The following CHRM2 variants were observed in gnomAD, a reference collection of about 807,000 sequenced individuals.
CHRM2 encodes muscarinic acetylcholine receptor M2.
Under a neutral mutation model 25.0 loss-of-function variants are expected in CHRM2, and 8 were observed. The ratio of observed to expected loss-of-function variants is 0.32; its 90% CI spans 0.19 to 0.58. CHRM2 has a LOEUF of 0.58. Ranked by LOEUF, CHRM2 falls within the 20% of genes least tolerant of loss-of-function variation. The pLI is 0.88. For synonymous variants in CHRM2, 202 were observed against 205.7 expected, an observed-to-expected ratio of 0.98 and a Z score of 0.15; for missense variants, 440 against 567.1, an observed-to-expected ratio of 0.78 and a Z score of 2.28.
At chr7:136,919,973 A>G (rs1798337760) in intron 2 of CHRM2, among the ~76,000 whole-genome samples, 2 of 152,074 alleles carry the variant, frequency 1.3e-5, no homozygotes, top group Admixed American at 6.6e-5. Flanking sequence ...ATGTTTCTCA[A>G]TAACTAGGAT....
intron 2 of CHRM2, among the ~76,000 whole-genome samples, chr7:136,924,189 T>C (rs1233088265): frequency 6.6e-6 from 1 of 152,174 alleles, no homozygotes; most frequent in Non-Finnish European, 1.5e-5. Flanking sequence ...ACACACATTA[T>C]TTCTTTTTTT....
At chr7:136,969,346 C>T (rs1047019507) in intron 2 of CHRM2, among the ~76,000 whole-genome samples, 2 of 152,092 alleles carry the variant, frequency 1.3e-5, no homozygotes, top group Non-Finnish European at 1.5e-5. Flanking sequence ...TTAAAGTTTG[C>T]TCTTTTTAAA....
At chr7:136,890,342 T>G (rs1796643215) in intron 2 of CHRM2, among the ~76,000 whole-genome samples, 1 of 152,226 alleles carries the variant, frequency 6.6e-6, no homozygotes, top group African/African-American at 2.4e-5. Flanking sequence ...GTGTGTGTAC[T>G]GCTAAGAAAA....
chr7:136,938,992 T>C (rs1584790391), intron 2 of CHRM2, among the ~76,000 whole-genome samples: 2 of 124,184 alleles, frequency 1.6e-5, no homozygotes, highest in African/African-American at 2.9e-5. Context: ...CAAACATTAA[T>C]ATAATTCCAA....
intron 2 of CHRM2, among the ~76,000 whole-genome samples, chr7:136,959,911 AAAAAAC>A (rs1299330919): frequency 6.6e-6 from 1 of 152,120 alleles, no homozygotes; most frequent in Non-Finnish European, 1.5e-5. Flanking sequence ...AACTCCGTCC[AAAAAAC>A]AAAAACAAAA....
At chr7:136,883,317 G>A (rs1796338619) in intron 2 of CHRM2, among the ~76,000 whole-genome samples, 1 of 152,122 alleles carries the variant, frequency 6.6e-6, no homozygotes, top group African/African-American at 2.4e-5. Context: ...CAAAGTAGTG[G>A]ATAAGTATAT....
Position 137,016,373 on chromosome 7 carries a change from A to T in CHRM2, c.*107A>T, listed in dbSNP as rs1805190446. ...CTCTGCCATTGCACTTTATAGTCTG[A>T]TTACAAAACGTGCAATTCAGGAGCC... On this transcript the variant is annotated 3_prime_UTR_variant, in exon 4 of 4. Transcript: ENST00000680005. The T allele has an allele frequency of 8.2e-7, 1 of 1,215,146 alleles. No individual in the cohort carries two copies. Among genetic ancestry groups the T allele is most frequent in the South Asian group, 1.3e-5 (1 of 77,468 alleles). 75.3% of individuals were successfully genotyped at this position (1,215,146 alleles called of 1,614,324 possible). A position where few individuals can be genotyped will look rare whatever the true frequency, so the allele number is the denominator to read the frequency against.
intron 2 of CHRM2, among the ~76,000 whole-genome samples, chr7:136,951,522 T>C (rs190567457): frequency 1.3e-5 from 2 of 152,262 alleles, no homozygotes; most frequent in African/African-American, 2.4e-5. Context: ...TATAACGCAC[T>C]TGGCAGATCT....
chr7:137,015,383 A>G lies in CHRM2; in HGVS notation c.518A>G (p.Asp173Gly). ...QFIVGVRTVE[D>G]GECYIQFFSN... ...ATTGTAGGGGTGAGAACTGTGGAGGATGGGGAGTGCTACATTCAGTTTTTT... is the reference window on the plus strand; with the variant it reads ...ATTGTAGGGGTGAGAACTGTGGAGGGTGGGGAGTGCTACATTCAGTTTTTT... Residue 173 changes from aspartate to glycine, a missense_variant, in exon 4 of 4, where the codon GAT becomes GGT. Around this residue, in one of 5 missense-constraint regions of CHRM2, gnomAD observed 261 missense variants for 261.8 expected, o/e 1.00. Transcript: ENST00000680005. This position sits in a 1 kb window ranked among gnomAD's most constrained non-coding sequence, Gnocchi z 5.1. 2 of 1,613,412 alleles carry G rather than the reference A, an allele frequency of 1.2e-6. No homozygotes were observed. Among genetic ancestry groups the G allele is most frequent in the Non-Finnish European group, 1.7e-6 (2 of 1,179,624 alleles).
At chr7:136,880,230 GC>G in intron 2 of CHRM2, among the ~76,000 whole-genome samples, 1 of 147,378 alleles carries the variant, frequency 6.8e-6, no homozygotes, top group East Asian at 1.9e-4. Context: ...AATAGCTATT[GC>G]CCCGTTCCTA....
rs150953186 is a variant in CHRM2, at chr7:136,942,891, C to T, written c.-124-49296C>T. On this transcript the variant is annotated intron_variant, in intron 2 of 3. Transcript: ENST00000680005. ...TTTTCTCTTCAAAATTTTTCTTTGT[C>T]CTTCGTATTATTTTCTAACCCCTTA... 4.3e-3 allele frequency among the ~76,000 whole-genome samples: 647 copies of T among 151,372 alleles called. 6 individuals carry two copies. Among genetic ancestry groups the T allele is most frequent in the African/African-American group, 0.015 (610 of 41,286 alleles).
intron 2 of CHRM2, among the ~76,000 whole-genome samples, chr7:136,904,317 T>C (rs867979098): frequency 8.0e-4 from 121 of 152,022 alleles, no homozygotes; most frequent in African/African-American, 2.8e-3. Context: ...AAAATTATTA[T>C]AACATTTTTC....
At chr7:136,984,857 G>A (rs577724614) in intron 2 of CHRM2, among the ~76,000 whole-genome samples, 24 of 152,122 alleles carry the variant, frequency 1.6e-4, no homozygotes, top group East Asian at 1.4e-3. Context: ...CGTTGGTCTC[G>A]CTGGGAGCTG....
At chr7:136,937,792 C>T (rs1355645723) in intron 2 of CHRM2, among the ~76,000 whole-genome samples, 1 of 152,152 alleles carries the variant, frequency 6.6e-6, no homozygotes, top group African/African-American at 2.4e-5. Context: ...GAGATTTCCA[C>T]GCTTTTGACA....
At position 136,926,766 on chromosome 7, in the gene CHRM2, G is replaced by A. The variant is rs117582062; in HGVS notation, c.-125+57348G>A. ...GCGTACTATATACTCTGCTGTGAGC[G>A]TCCAGGAAACAGGCAGTCATTGTGC... On this transcript the variant is annotated intron_variant, in intron 2 of 3. Transcript: ENST00000680005. Among the ~76,000 whole-genome samples the A allele has an allele frequency of 6.2e-4, 94 of 152,288 alleles. 1 individual carries two copies. Among genetic ancestry groups the A allele is most frequent in the African/African-American group, 2.1e-3 (88 of 41,562 alleles).
intron 2 of CHRM2, among the ~76,000 whole-genome samples, chr7:136,986,307 A>G (rs752042366): frequency 6.6e-6 from 1 of 152,006 alleles, no homozygotes; most frequent in Non-Finnish European, 1.5e-5. Flanking sequence ...TAGATACACA[A>G]TTTTCCCCTC....
intron 2 of CHRM2, among the ~76,000 whole-genome samples, chr7:136,977,056 A>G (rs1802150569): frequency 6.6e-6 from 1 of 152,240 alleles, no homozygotes; most frequent in Admixed American, 6.5e-5. Context: ...GAAAGAAAAT[A>G]TAAGTGACTT....
At chr7:136,924,267 T>C (rs189254094) in intron 2 of CHRM2, among the ~76,000 whole-genome samples, 29 of 152,194 alleles carry the variant, frequency 1.9e-4, no homozygotes, top group African/African-American at 6.5e-4. Flanking sequence ...AACGTGCAGG[T>C]TAGTTACATA....
At chr7:136,940,319 C>T (rs987531642) in intron 2 of CHRM2, among the ~76,000 whole-genome samples, 2 of 152,172 alleles carry the variant, frequency 1.3e-5, no homozygotes, top group African/African-American at 2.4e-5. Context: ...ACAGTATACT[C>T]GCGTTGAACA....
Sources: gnomAD v4.1 joint callset for allele counts (sites outside exome capture counted in the v4.1 genomes callset) on GRCh38, gnomAD v4.1.1 for gene constraint, gnomAD v4.1.1 regional missense constraint, Gnocchi (gnomAD v3.1) non-coding constraint, MANE v1.5 for transcripts, NCBI Gene and HGNC (gene_info 2026-07-23, HGNC 2026-07-21) for gene names.